The following KLHL29 variants were observed in gnomAD, a reference collection of about 807,000 sequenced individuals.
KLHL29 encodes kelch like family member 29.
A neutral mutation model predicts 80.4 loss-of-function variants in KLHL29; 21 were observed. That is an observed-to-expected ratio of 0.26 (90% CI 0.19 to 0.38). KLHL29 has a LOEUF of 0.38. Ranked by LOEUF, KLHL29 falls within the 10% of genes least tolerant of loss-of-function variation. KLHL29 has a pLI of 1.00. For synonymous variants in KLHL29, 511 were observed against 526.8 expected (o/e 0.97, Z 0.41); for missense variants, 867 against 1,223.9 (o/e 0.71, Z 4.35).
chr2:23,585,546 G>A (rs1160025473), intron 3 of KLHL29, among the ~76,000 whole-genome samples: 1 of 152,098 alleles, frequency 6.6e-6, no homozygotes, highest in Non-Finnish European at 1.5e-5. Flanking sequence ...TTCATTGCTG[G>A]GTGGCTAAGT....
At chr2:23,494,819 CCTT>C (rs995906069) in intron 2 of KLHL29, among the ~76,000 whole-genome samples, 1 of 152,160 alleles carries the variant, frequency 6.6e-6, no homozygotes, top group African/African-American at 2.4e-5. Context: ...TTTCCGGGCT[CCTT>C]CTGTCTTCTT....
intron 1 of KLHL29, among the ~76,000 whole-genome samples, chr2:23,470,834 C>T (rs1382672366): frequency 6.6e-6 from 1 of 152,224 alleles, no homozygotes; most frequent in Admixed American, 6.5e-5. Context: ...GCCTTCCGGA[C>T]CCCGGCTCAT....
intron 5 of KLHL29, among the ~76,000 whole-genome samples, chr2:23,673,320 A>ACACTCCCACACCACGTGCT (rs1670821314): frequency 6.6e-6 from 1 of 151,666 alleles, no homozygotes; most frequent in African/African-American, 2.4e-5. Context: ...ACAAGAGGAC[A>ACACTCCCACACCACGTGCT]CACATACACC....
chr2:23,563,521 A>G (rs1489626923), intron 3 of KLHL29, among the ~76,000 whole-genome samples: 1 of 152,178 alleles, frequency 6.6e-6, no homozygotes, highest in Non-Finnish European at 1.5e-5. Flanking sequence ...GTGTGTGCAC[A>G]TGTGTGTGTG....
At chr2:23,527,850 T>G (rs772914833) in intron 2 of KLHL29, among the ~76,000 whole-genome samples, 1 of 152,186 alleles carries the variant, frequency 6.6e-6, no homozygotes, top group Non-Finnish European at 1.5e-5. Flanking sequence ...CTTTCTGCAT[T>G]GAAGGTTTTG....
At chr2:23,392,879 A>G (rs1666353758) in intron 1 of KLHL29, among the ~76,000 whole-genome samples, 2 of 152,222 alleles carry the variant, frequency 1.3e-5, no homozygotes, top group South Asian at 2.1e-4. Context: ...AGTAGAAGGA[A>G]TGTGAGCTAA....
At chr2:23,455,123 C>G (rs1664011980) in intron 1 of KLHL29, among the ~76,000 whole-genome samples, 1 of 152,118 alleles carries the variant, frequency 6.6e-6, no homozygotes, top group Non-Finnish European at 1.5e-5. Context: ...AATGTGGCCT[C>G]TTCTCAGGCC....
intron 3 of KLHL29, among the ~76,000 whole-genome samples, chr2:23,609,103 G>T (rs1668796841): frequency 6.6e-6 from 1 of 152,176 alleles, no homozygotes; most frequent in South Asian, 2.1e-4. Context: ...CAGTCATTTA[G>T]TCACTCATTC....
rs372860852 is a variant in KLHL29, at chr2:23,640,813, G to A, written c.428-1525G>A. 1.6e-4 allele frequency among the ~76,000 whole-genome samples: 25 copies of A among 152,344 alleles called. No homozygotes were observed. The East Asian group carries it at 2.9e-3, about 18-fold the overall frequency. ...TACGGTCCCTCAGCTGGGAAGGGGC[G>A]ATGCAGGCCTCGTACCGTGGTCTAT... On this transcript the variant is annotated intron_variant, in intron 4 of 13. Transcript: ENST00000486442.
intron 5 of KLHL29, chr2:23,668,357 G>C (rs1383554097): frequency 2.6e-5 from 4 of 152,272 alleles, no homozygotes; most frequent in African/African-American, 7.2e-5. Flanking sequence ...TGCAGGCTCT[G>C]CTTTTGAGAG....
chr2:23,681,779 C>T lies in KLHL29; in HGVS notation c.941-2620C>T, dbSNP rs1441508248. Among the ~76,000 whole-genome samples, 1 of 152,158 alleles carries T rather than the reference C, an allele frequency of 6.6e-6. No homozygotes were observed. The highest frequency in any genetic ancestry group is 1.5e-5 in the Non-Finnish European group (1 of 68,006). ...CAGAATTCTGTCCCCTCCCCTACCGCTTCACTCAAAAAGGGGATGTCATCT... is the reference window on the plus strand; with the variant it reads ...CAGAATTCTGTCCCCTCCCCTACCGTTTCACTCAAAAAGGGGATGTCATCT... On this transcript the variant is annotated intron_variant, in intron 5 of 13. Transcript: ENST00000486442. This position sits in a 1 kb window ranked among gnomAD's most constrained non-coding sequence, Gnocchi z 4.2.
chr2:23,643,100 G>A, intron 5 of KLHL29: 1 of 645,768 alleles, frequency 1.5e-6, no homozygotes, highest in Non-Finnish European at 2.8e-6. Flanking sequence ...AAGGAAGGGA[G>A]AGCCTGCAAA....
At chr2:23,423,930 G>A (rs899686491) in intron 1 of KLHL29, among the ~76,000 whole-genome samples, 2 of 152,082 alleles carry the variant, frequency 1.3e-5, no homozygotes, top group African/African-American at 4.8e-5. Flanking sequence ...ATCTCTCCCC[G>A]ACCCCATTCA....
chr2:23,477,652 C>T (rs1481278117), intron 2 of KLHL29, among the ~76,000 whole-genome samples: 2 of 152,258 alleles, frequency 1.3e-5, no homozygotes, highest in Admixed American at 1.3e-4. Flanking sequence ...TCCTTGCTAG[C>T]GATATCGCCG....
chr2:23,473,653 TG>T (rs1664557085), intron 1 of KLHL29, among the ~76,000 whole-genome samples: 1 of 152,086 alleles, frequency 6.6e-6, no homozygotes, highest in African/African-American at 2.4e-5. Context: ...CGGCACAGCC[TG>T]GAAAGGAAGT....
chr2:23,487,106 C>G (rs1664951453), intron 2 of KLHL29, among the ~76,000 whole-genome samples: 1 of 152,178 alleles, frequency 6.6e-6, no homozygotes. Flanking sequence ...AGCTCTCACT[C>G]TTAGCCAGGG....
At chr2:23,687,802 C>G (rs555090026) in intron 6 of KLHL29, among the ~76,000 whole-genome samples, 1 of 152,120 alleles carries the variant, frequency 6.6e-6, no homozygotes, top group Non-Finnish European at 1.5e-5. Flanking sequence ...GCTGCAGGGC[C>G]GGGTATGAGG....
chr2:23,459,805 A>G (rs892597137), intron 1 of KLHL29, among the ~76,000 whole-genome samples: 1 of 152,206 alleles, frequency 6.6e-6, no homozygotes, highest in Non-Finnish European at 1.5e-5. Context: ...ACACAAGATA[A>G]AGAGTGGAAA....
At chr2:23,559,199 A>G (rs544218208) in intron 2 of KLHL29, among the ~76,000 whole-genome samples, 3 of 152,298 alleles carry the variant, frequency 2.0e-5, no homozygotes, top group East Asian at 3.9e-4. Flanking sequence ...TTCAGAAACC[A>G]TAAGGCATTT....
Sources: gnomAD v4.1 joint callset for allele counts (sites outside exome capture counted in the v4.1 genomes callset) on GRCh38, gnomAD v4.1.1 for gene constraint, Gnocchi (gnomAD v3.1) non-coding constraint, MANE v1.5 for transcripts, NCBI Gene and HGNC (gene_info 2026-07-23, HGNC 2026-07-21) for gene names.